MYO1E: variants seen among roughly 807,000 people sequenced by gnomAD.
The protein encoded by MYO1E is unconventional myosin-Ie.
In MYO1E, 68 loss-of-function variants were observed where a neutral mutation model predicts 151.1. The observed-to-expected ratio is 0.45, with a 90% confidence interval of 0.37 to 0.55. MYO1E has a LOEUF of 0.55. Ranked by LOEUF, MYO1E falls within the 20% of genes least tolerant of loss-of-function variation. The probability of loss-of-function intolerance (pLI) is 0.00; values close to 1 mark genes in which losing one functional copy is unlikely to be tolerated. For synonymous variants in MYO1E, 601 were observed against 501.7 expected (o/e 1.20, Z -2.64); for missense variants, 1,363 against 1,389.3 (o/e 0.98, Z 0.30).
At chr15:59,249,311 GCTA>G (rs1469977340) in intron 4 of MYO1E, among the ~76,000 whole-genome samples, 1 of 151,514 alleles carries the variant, frequency 6.6e-6, no homozygotes, top group Non-Finnish European at 1.5e-5. Context: ...TGTAGTCCCA[GCTA>G]CTCAGAAGGC....
At chr15:59,233,186 G>T (rs1014117030) in intron 5 of MYO1E, among the ~76,000 whole-genome samples, 1 of 151,980 alleles carries the variant, frequency 6.6e-6, no homozygotes, top group South Asian at 2.1e-4. Flanking sequence ...GAGAACAAAA[G>T]CCAGAATCTT....
Position 59,217,887 on chromosome 15 carries a change from T to G in MYO1E, c.1107+4A>C. 1 of 1,614,016 alleles carries G rather than the reference T, an allele frequency of 6.2e-7. No homozygotes were observed. The highest frequency in any genetic ancestry group is 8.5e-7 in the Non-Finnish European group (1 of 1,179,908). On this transcript the variant is annotated splice_donor_region_variant and intron_variant, in intron 10 of 27. Coordinates refer to ENST00000288235, the MANE Select transcript of MYO1E (RefSeq NM_004998.4). ...CATCACCAGCATCAACTTCTGTTAC[T>G]TACATCTACCAAGAAATCAAAGACC...
chr15:59,203,382 T>TTC (rs1378214352), intron 15 of MYO1E, among the ~76,000 whole-genome samples: 2 of 113,786 alleles, frequency 1.8e-5, no homozygotes, highest in Non-Finnish European at 4.6e-5. Flanking sequence ...TGAATATACT[T>TTC]TCTTTTTTTT....
chr15:59,254,864 C>T (rs1223236509), intron 4 of MYO1E, among the ~76,000 whole-genome samples: 1 of 151,900 alleles, frequency 6.6e-6, no homozygotes, highest in African/African-American at 2.4e-5. Flanking sequence ...CTCAGTCTGT[C>T]GCCCAGGCTG....
chr15:59,274,216 C>A (rs1223814338), intron 1 of MYO1E, among the ~76,000 whole-genome samples: 4 of 152,244 alleles, frequency 2.6e-5, no homozygotes, highest in African/African-American at 9.6e-5. Context: ...GGAAGGCCTG[C>A]CACCCATGCT....
chr15:59,206,988 G>C, intron 14 of MYO1E: 1 of 1,614,142 alleles, frequency 6.2e-7, no homozygotes, highest in Non-Finnish European at 8.5e-7. Flanking sequence ...GAGTGAGCTC[G>C]GTGGGAGCGA....
At chr15:59,258,431 G>C (rs1313212035) in intron 3 of MYO1E, among the ~76,000 whole-genome samples, 6 of 152,252 alleles carry the variant, frequency 3.9e-5, no homozygotes, top group African/African-American at 1.4e-4. Flanking sequence ...GATTAGTTTA[G>C]AATTTGCCTT....
intron 1 of MYO1E, among the ~76,000 whole-genome samples, chr15:59,282,666 C>G (rs566795791): frequency 1.3e-5 from 2 of 150,526 alleles, no homozygotes; most frequent in African/African-American, 2.4e-5. Flanking sequence ...GACAACATAG[C>G]GAGACCCCAT....
intron 18 of MYO1E, among the ~76,000 whole-genome samples, chr15:59,187,425 T>C (rs1316383218): frequency 6.6e-6 from 1 of 152,156 alleles, no homozygotes; most frequent in Non-Finnish European, 1.5e-5. Flanking sequence ...GGTTAGAAAA[T>C]AACTTATGTT....
intron 1 of MYO1E, among the ~76,000 whole-genome samples, chr15:59,371,632 C>G (rs1485343708): frequency 1.3e-5 from 2 of 152,148 alleles, no homozygotes; most frequent in East Asian, 3.9e-4. Flanking sequence ...TCCACACATT[C>G]CCAAAGTGCC....
intron 14 of MYO1E, chr15:59,207,690 G>T: frequency 6.2e-7 from 1 of 1,614,166 alleles, no homozygotes; most frequent in Non-Finnish European, 8.5e-7. Flanking sequence ...TTCCTGTGTG[G>T]AGTGGAGTGA....
At position 59,318,742 on chromosome 15, in the gene MYO1E, C is replaced by T. The variant is rs200718805; in HGVS notation, c.4-46293G>A. ...GCCAGGCAGTGTACTAAGGACTTCA[C>T]GTGCACCAATTAATTTAATCCTCAC... On this transcript the variant is annotated intron_variant, in intron 1 of 27. Coordinates refer to ENST00000288235, the MANE Select transcript of MYO1E (RefSeq NM_004998.4). 3.9e-5 allele frequency among the ~76,000 whole-genome samples: 6 copies of T among 152,254 alleles called. No individual in the cohort carries two copies. The South Asian group carries it at 6.2e-4, about 16-fold the overall frequency.
At chr15:59,155,395 G>A (rs538737656) in intron 25 of MYO1E, among the ~76,000 whole-genome samples, 4 of 152,168 alleles carry the variant, frequency 2.6e-5, no homozygotes, top group South Asian at 2.1e-4. Context: ...GGTTTGTGAC[G>A]GACTGGAAAT....
intron 11 of MYO1E, 47 bp downstream of exon 11, chr15:59,214,593 G>T (rs771404566): frequency 2.7e-6 from 4 of 1,455,472 alleles, no homozygotes. Flanking sequence ...CAGGCCAGAT[G>T]AAATACGTCA....
At chr15:59,355,268 A>G (rs539300899) in intron 1 of MYO1E, among the ~76,000 whole-genome samples, 2 of 152,226 alleles carry the variant, frequency 1.3e-5, no homozygotes, top group South Asian at 2.1e-4. Flanking sequence ...AAAACTTCCA[A>G]TTGGCAGGAG....
intron 2 of MYO1E, among the ~76,000 whole-genome samples, chr15:59,268,718 GTA>G (rs1309330145): frequency 0.024 from 288 of 12,052 alleles, 11 homozygotes; most frequent in African/African-American, 0.038. Flanking sequence ...GGTGACTTTG[GTA>G]TTTTTTTTTT....
intron 1 of MYO1E, among the ~76,000 whole-genome samples, chr15:59,370,068 C>T (rs1484812499): frequency 6.6e-6 from 1 of 152,122 alleles, no homozygotes; most frequent in Non-Finnish European, 1.5e-5. Context: ...GCCTCAGCCT[C>T]CCAAAGTGCT....
chr15:59,210,432 T>C (rs2079871919), intron 13 of MYO1E, 82 bp downstream of exon 13: 1 of 1,022,506 alleles, frequency 9.8e-7, no homozygotes, highest in Non-Finnish European at 1.5e-6. Flanking sequence ...CTTTGCCTGT[T>C]CTAAAACAAT....
chr15:59,250,630 G>A (rs911945942), intron 4 of MYO1E, among the ~76,000 whole-genome samples: 2 of 152,074 alleles, frequency 1.3e-5, no homozygotes, highest in African/African-American at 4.8e-5. Flanking sequence ...CCTGGCGGGG[G>A]CGGGGGGTAG....
Sources: allele counts gnomAD v4.1 joint callset (sites outside exome capture counted in the v4.1 genomes callset), GRCh38; gene constraint gnomAD v4.1.1; transcripts MANE v1.5; gene names NCBI Gene and HGNC (gene_info 2026-07-23, HGNC 2026-07-21).